LACC1: variants seen among roughly 807,000 people sequenced by gnomAD.
The protein encoded by LACC1 is purine nucleoside phosphorylase LACC1.
Under a neutral mutation model 34.8 loss-of-function variants are expected in LACC1, and 25 were observed. The ratio of observed to expected loss-of-function variants is 0.72; its 90% CI spans 0.52 to 1.00. The LOEUF is 1.00. LACC1 is among the 50% of genes least tolerant of loss of function. LACC1 has a pLI of 0.00. For missense variants in LACC1, 426 were observed against 511.2 expected (o/e 0.83, Z 1.61); for synonymous variants, 162 against 168.0 (o/e 0.96, Z 0.28).
intron 4 of LACC1, among the ~76,000 whole-genome samples, chr13:43,886,660 T>C (rs1955343452): frequency 6.6e-6 from 1 of 152,128 alleles, no homozygotes; most frequent in Middle Eastern, 3.2e-3. Context: ...CTATGTCCAC[T>C]ACTTGGGTGA....
chr13:43,887,578 G>C (rs1955386824), intron 4 of LACC1, among the ~76,000 whole-genome samples: 1 of 152,150 alleles, frequency 6.6e-6, no homozygotes. Context: ...AGTGGGAAGG[G>C]AGTAAAAAGA....
In LACC1 at chr13:43,881,318, G is replaced by A; in HGVS notation, c.333G>A (p.Arg111=). Residue 111 remains arginine (R), a synonymous_variant, in exon 2 of 7, where the codon AGG becomes AGA. Coordinates refer to ENST00000325686, the MANE Select transcript of LACC1 (RefSeq NM_153218.4). Reference sequence around the variant, plus strand: ...TTAAGGTAATTGTACCCAGGCACAGGAAGACATTAATGAAAGCTTTTATTG... The same window carrying A: ...TTAAGGTAATTGTACCCAGGCACAGAAAGACATTAATGAAAGCTTTTATTG... ...SSIKVIVPRH[R]KTLMKAFIDQ... is the part of the protein sequence containing the mutation. 6.2e-7 allele frequency: 1 copy of A among 1,613,928 alleles called. No homozygotes were observed. Among genetic ancestry groups the A allele is most frequent in the Non-Finnish European group, 8.5e-7 (1 of 1,179,896 alleles).
chr13:43,890,357 T>A, intron 6 of LACC1, 83 bp downstream of exon 6: 1 of 1,146,050 alleles, frequency 8.7e-7, no homozygotes, highest in Non-Finnish European at 1.2e-6. Context: ...TCTTTCTTCC[T>A]CTTTTAGCCT....
chr13:43,889,953 TC>T (rs113802919), intron 5 of LACC1, 160 bp from the exon 6 acceptor site: 6 of 577,766 alleles, frequency 1.0e-5, no homozygotes, highest in East Asian at 2.9e-5. Flanking sequence ...AGCATTTTTT[TC>T]CCTGACTAGT....
At chr13:43,890,383 T>TAA (rs201090329) in intron 6 of LACC1, 109 bp downstream of exon 6, 54 of 685,898 alleles carry the variant, frequency 7.9e-5, no homozygotes, top group South Asian at 3.4e-4. Context: ...TCCCCTTATT[T>TAA]AAAAAAAAAA....
chr13:43,881,597 C>G, intron 2 of LACC1, 50 bp downstream of exon 2: 1 of 1,361,134 alleles, frequency 7.3e-7, no homozygotes, highest in Non-Finnish European at 1.0e-6. Flanking sequence ...GAAAACTAGT[C>G]TTTCTTCAGA....
chr13:43,883,792 TG>T lies in LACC1; in HGVS notation c.765del (p.Trp255Ter), dbSNP rs1217335417. ...RIKTHHSNDI[W>X]IMGRKEPDSY... Reference sequence around the variant, plus strand: ...TTAGACTCATCATTCCAATGACATCTGGATTATGGGAAGAAAGGAGCCTGAC... The same window carrying T: ...TTAGACTCATCATTCCAATGACATCTGATTATGGGAAGAAAGGAGCCTGAC... On this transcript the variant is annotated frameshift_variant, in exon 4 of 7. Transcript: ENST00000325686. LOFTEE classifies it high-confidence loss of function. The T allele has an allele frequency of 6.2e-7, 1 of 1,612,626 alleles. No individual in the cohort carries two copies. Among genetic ancestry groups the T allele is most frequent in the Non-Finnish European group, 8.5e-7 (1 of 1,179,190 alleles).
At chr13:43,880,903 C>A in intron 1 of LACC1, 49 bp from the exon 2 acceptor site, 1 of 1,182,082 alleles carries the variant, frequency 8.5e-7, no homozygotes, top group Non-Finnish European at 1.2e-6. Flanking sequence ...TCTGTTGTAA[C>A]TATAAGATTT....
chr13:43,879,775 AGGTGAGGCGG>A (rs1954851090), upstream of LACC1: 2 of 77,096 alleles, frequency 2.6e-5, no homozygotes, highest in Non-Finnish European at 5.1e-5. Flanking sequence ...GAGGGGGGCG[AGGTGAGGCGG>A]GGCGAGGCGG....
At chr13:43,890,309 C>T in intron 6 of LACC1, 35 bp downstream of exon 6, 2 of 1,561,366 alleles carry the variant, frequency 1.3e-6, no homozygotes, top group Admixed American at 1.7e-5. Flanking sequence ...TCCGTTTTTC[C>T]TCTCTTTCAT....
At position 43,888,783 on chromosome 13, in the gene LACC1, G is replaced by A; in HGVS notation, c.934G>A (p.Ala312Thr). Residue 312 changes from alanine to threonine, a missense_variant, in exon 5 of 7, where the codon GCT becomes ACT. Ala to Thr is a moderately conservative substitution (Grantham distance 58). Transcript: ENST00000325686. Reference protein sequence around the residue: ...AGWKGTLLGVAMATVNAMIAE... With the variant: ...AGWKGTLLGVTMATVNAMIAE... ...TTGGAAAGGTACTTTGTTGGGTGTT[G>A]CTATGGCTACAGTGAATGCTATGAT... The A allele has an allele frequency of 6.2e-7, 1 of 1,613,746 alleles. No homozygotes were observed. Among genetic ancestry groups the A allele is most frequent in the Non-Finnish European group, 8.5e-7 (1 of 1,179,760 alleles).
At chr13:43,881,831 GA>G (rs1010372073) in intron 2 of LACC1, among the ~76,000 whole-genome samples, 27 of 152,286 alleles carry the variant, frequency 1.8e-4, no homozygotes, top group African/African-American at 6.0e-4. Context: ...TTATGACACT[GA>G]AAATCTTCTA....
intron 5 of LACC1, 115 bp from the exon 6 acceptor site, chr13:43,889,999 T>C: frequency 1.2e-6 from 1 of 807,380 alleles, no homozygotes; most frequent in Non-Finnish European, 1.9e-6. Flanking sequence ...TATACATTGT[T>C]CTAGGTACAT....
chr13:43,891,562 A>G lies in LACC1; in HGVS notation c.*115A>G. The G allele has an allele frequency of 1.1e-6, 1 of 911,978 alleles. No individual in the cohort carries two copies. Among genetic ancestry groups the G allele is most frequent in the South Asian group, 5.1e-5 (1 of 19,740 alleles). 56.5% of individuals were successfully genotyped at this position (911,978 alleles called of 1,614,324 possible). ...CCAAATGGATTACAATGGATAATTC[A>G]TCTTTTGGGTATATTTTTACTATTA... is the stretch of plus-strand genomic sequence containing the variant. On this transcript the variant is annotated 3_prime_UTR_variant, in exon 7 of 7. Coordinates refer to ENST00000325686, the MANE Select transcript of LACC1 (RefSeq NM_153218.4).
At chr13:43,879,533 G>A (rs921627652), upstream of LACC1, 14 of 152,330 alleles carry the variant, frequency 9.2e-5, no homozygotes, top group African/African-American at 3.4e-4. Context: ...TGCTGAGGCA[G>A]CAGCGGGCTC....
intron 6 of LACC1, among the ~76,000 whole-genome samples, chr13:43,890,519 C>T (rs1955528823): frequency 6.6e-6 from 1 of 152,134 alleles, no homozygotes; most frequent in South Asian, 2.1e-4. Flanking sequence ...AGCAGCCACT[C>T]CTTTTCCTAG....
chr13:43,880,886 A>G (rs1954985027), intron 1 of LACC1, 66 bp from the exon 2 acceptor site: 1 of 1,081,294 alleles, frequency 9.2e-7, no homozygotes, highest in South Asian at 1.7e-5. Context: ...TTAATCTACC[A>G]CAAATTTCTG....
chr13:43,881,017 G>C lies in LACC1; in HGVS notation c.32G>C (p.Gly11Ala), dbSNP rs771075557. The change falls in exon 2 of 7, where the codon GGT (glycine) becomes GCT (alanine). Residue 11 changes from glycine to alanine, a missense_variant. By Grantham distance (60) the Gly-to-Ala change is moderately conservative (BLOSUM62 0). Coordinates refer to ENST00000325686, the MANE Select transcript of LACC1 (RefSeq NM_153218.4). ...GAAGCTGTTTTGATTGATCTTTTTG[G>C]TTTGAAATTGAACTCTCAAAAAAAC... MAEAVLIDLF[G>A]LKLNSQKNCH... 1 of 1,613,320 alleles carries C rather than the reference G, an allele frequency of 6.2e-7. No homozygotes were observed. The highest frequency in any genetic ancestry group is 1.3e-5 in the African/African-American group (1 of 74,972).
chr13:43,880,811 T>A lies in LACC1; in HGVS notation c.-34-141T>A, dbSNP rs985228249. 3 of 578,754 alleles carry A rather than the reference T, an allele frequency of 5.2e-6. No individual in the cohort carries two copies. The African/African-American group carries it at 5.6e-5, about 11-fold the overall frequency. The allele number at this position is 578,754 out of a possible 1,614,324, so 35.9% of individuals were successfully genotyped here. Reference sequence around the variant, plus strand: ...TCTGTTGTGACAGAGTAGACTGGCTTTTCTGGGAGGGGCCTAGATTTACTA... The same window carrying A: ...TCTGTTGTGACAGAGTAGACTGGCTATTCTGGGAGGGGCCTAGATTTACTA... On this transcript the variant is annotated intron_variant, in intron 1 of 6. Coordinates refer to ENST00000325686, the MANE Select transcript of LACC1 (RefSeq NM_153218.4).
Sources: allele counts gnomAD v4.1 joint callset (sites outside exome capture counted in the v4.1 genomes callset), GRCh38; gene constraint gnomAD v4.1.1; transcripts MANE v1.5; gene names NCBI Gene and HGNC (gene_info 2026-07-23, HGNC 2026-07-21).